The following CSMD3 variants were observed in gnomAD, a reference collection of about 807,000 sequenced individuals.
The protein encoded by CSMD3 is CUB and sushi domain-containing protein 3.
Under a neutral mutation model 435.2 loss-of-function variants are expected in CSMD3, and 177 were observed. That is an observed-to-expected ratio of 0.41 (90% CI 0.36 to 0.46). The LOEUF (loss-of-function observed/expected upper bound fraction) is 0.46. Ranked by LOEUF, CSMD3 falls within the 20% of genes least tolerant of loss-of-function variation. CSMD3 has a pLI of 0.34. For synonymous variants in CSMD3, 1,656 were observed against 1,520.5 expected, an observed-to-expected ratio of 1.09 and a Z score of -2.07; for missense variants, 4,265 against 4,504.6, an observed-to-expected ratio of 0.95 and a Z score of 1.52.
chr8:113,257,903 T>C (rs1177231249), intron 3 of CSMD3, among the ~76,000 whole-genome samples: 1 of 152,170 alleles, frequency 6.6e-6, no homozygotes, highest in Admixed American at 6.5e-5. Context: ...AAAATTTTTT[T>C]TAATTTGCTG....
In CSMD3 at chr8:112,379,099, C is replaced by T. The variant is rs557388152; in HGVS notation, c.6136+1253G>A. 2.6e-5 allele frequency among the ~76,000 whole-genome samples: 4 copies of T among 152,228 alleles called. No individual in the cohort carries two copies. The East Asian group carries it at 7.7e-4, about 29-fold the overall frequency. On this transcript the variant is annotated intron_variant, in intron 38 of 70. Coordinates refer to ENST00000297405, the MANE Select transcript of CSMD3 (RefSeq NM_198123.2). ...AAGGAAATTAAGGAAATAATACCAT[C>T]TACAATAGCATGAAAAATAATAAAA...
At chr8:113,222,255 T>C (rs768830471) in intron 3 of CSMD3, among the ~76,000 whole-genome samples, 3 of 151,132 alleles carry the variant, frequency 2.0e-5, no homozygotes, top group Non-Finnish European at 4.4e-5. Context: ...ACCAAAAATT[T>C]TCATTGGAAA....
chr8:113,263,503 A>C (rs2093443559), intron 3 of CSMD3, among the ~76,000 whole-genome samples: 1 of 151,902 alleles, frequency 6.6e-6, no homozygotes, highest in South Asian at 2.1e-4. Flanking sequence ...GCATTCCTTT[A>C]AATTTTACAT....
chr8:112,662,013 T>C (rs910689454), intron 17 of CSMD3, among the ~76,000 whole-genome samples: 1 of 151,726 alleles, frequency 6.6e-6, no homozygotes, highest in African/African-American at 2.4e-5. Flanking sequence ...GCAGAAGAGA[T>C]TAAAAATGAA....
intron 3 of CSMD3, among the ~76,000 whole-genome samples, chr8:113,261,634 A>G (rs1262283456): frequency 6.6e-6 from 1 of 152,058 alleles, no homozygotes; most frequent in African/African-American, 2.4e-5. Flanking sequence ...CATTGGCAAC[A>G]TTGTGATTTC....
chr8:112,730,279 C>T (rs7826958), intron 13 of CSMD3, among the ~76,000 whole-genome samples: 50,575 of 151,830 alleles, frequency 0.33, 9,284 homozygotes, highest in African/African-American at 0.5. Flanking sequence ...TGAAATACTA[C>T]CATAAGAAAA....
intron 22 of CSMD3, among the ~76,000 whole-genome samples, chr8:112,620,717 A>G (rs1435172747): frequency 6.6e-6 from 1 of 152,094 alleles, no homozygotes; most frequent in Admixed American, 6.6e-5. Context: ...CAGACCCTGC[A>G]TTTGATCCCC....
chr8:113,084,880 T>A (rs2089701877), intron 5 of CSMD3, among the ~76,000 whole-genome samples: 1 of 151,970 alleles, frequency 6.6e-6, no homozygotes, highest in South Asian at 2.1e-4. Flanking sequence ...CCCTCTTCAA[T>A]AAATAGTATT....
rs1587561932 is a variant in CSMD3 at position 112,880,803 on chromosome 8, A to G, written c.1634-21537T>C. 2.0e-5 allele frequency among the ~76,000 whole-genome samples: 3 copies of G among 152,000 alleles called. No individual in the cohort carries two copies. The South Asian group carries it at 6.2e-4, about 32-fold the overall frequency. On this transcript the variant is annotated intron_variant, in intron 10 of 70. Transcript: ENST00000297405. ...GACTTACCTATGTCTAGCTTTAAGG[A>G]GATCGATCCAGCTGCCATATACAGA...
At position 112,663,194 on chromosome 8, in the gene CSMD3, T is replaced by A. The variant is rs149672105; in HGVS notation, c.2816+3083A>T. On this transcript the variant is annotated intron_variant, in intron 17 of 70. Transcript: ENST00000297405. ...ATAAAGACACACGCACATGTATGTT[T>A]ACTGCAGCACTATTCACAATACCAA... Among the ~76,000 whole-genome samples, 70 of 152,250 alleles carry A rather than the reference T, an allele frequency of 4.6e-4. No individual in the cohort carries two copies. The East Asian group carries it at 0.012, about 25-fold the overall frequency.
chr8:113,208,688 A>G (rs1019587546), intron 3 of CSMD3, among the ~76,000 whole-genome samples: 5 of 152,108 alleles, frequency 3.3e-5, no homozygotes, highest in Admixed American at 2.0e-4. Flanking sequence ...GGTAATTAAC[A>G]TAAGTACATG....
intron 58 of CSMD3, among the ~76,000 whole-genome samples, chr8:112,282,671 C>T (rs1210478995): frequency 6.6e-6 from 1 of 152,012 alleles, no homozygotes; most frequent in Non-Finnish European, 1.5e-5. Context: ...ACACCTAATA[C>T]ACAAATTTCT....
At chr8:112,604,393 T>C (rs1832626520) in intron 22 of CSMD3, among the ~76,000 whole-genome samples, 1 of 151,926 alleles carries the variant, frequency 6.6e-6, no homozygotes, top group Non-Finnish European at 1.5e-5. Context: ...TAGCCACAGA[T>C]CAATACAATG....
intron 13 of CSMD3, among the ~76,000 whole-genome samples, chr8:112,765,866 G>C (rs760241669): frequency 6.6e-6 from 1 of 151,664 alleles, no homozygotes; most frequent in East Asian, 1.9e-4. Context: ...TGCTTCACCT[G>C]ACTCTAATAT....
intron 53 of CSMD3, 64 bp downstream of exon 53, chr8:112,301,729 G>T (rs1007523462): frequency 8.1e-5 from 98 of 1,208,384 alleles, no homozygotes; most frequent in Middle Eastern, 1.9e-4. Context: ...GGGAAAAAGA[G>T]ATGCCTCTTT....
chr8:113,405,916 G>A (rs1489738102), intron 1 of CSMD3, among the ~76,000 whole-genome samples: 3 of 151,688 alleles, frequency 2.0e-5, no homozygotes. Flanking sequence ...AGTAATGAGA[G>A]GATTATTTAG....
chr8:113,214,432 C>T (rs1371231288), intron 3 of CSMD3, among the ~76,000 whole-genome samples: 1 of 151,894 alleles, frequency 6.6e-6, no homozygotes, highest in Non-Finnish European at 1.5e-5. Flanking sequence ...GAGTATGATA[C>T]TGGCATCAGT....
At chr8:112,240,936 C>T (rs1022020096) in intron 66 of CSMD3, among the ~76,000 whole-genome samples, 1 of 152,026 alleles carries the variant, frequency 6.6e-6, no homozygotes, top group African/African-American at 2.4e-5. Flanking sequence ...ACTTGTCTTC[C>T]TCCATGATAG....
intron 1 of CSMD3, among the ~76,000 whole-genome samples, chr8:113,392,327 C>T (rs748902688): frequency 6.6e-6 from 1 of 152,020 alleles, no homozygotes; most frequent in South Asian, 2.1e-4. Flanking sequence ...AGAGTGGGCA[C>T]AGGACAAGAA....
Sources: gnomAD v4.1 joint callset for allele counts (sites outside exome capture counted in the v4.1 genomes callset) on GRCh38, gnomAD v4.1.1 for gene constraint, MANE v1.5 for transcripts, NCBI Gene and HGNC (gene_info 2026-07-23, HGNC 2026-07-21) for gene names.